PRKAR1B: variants seen among roughly 807,000 people sequenced by gnomAD.
PRKAR1B encodes the protein protein kinase cAMP-dependent type I regulatory subunit beta, also known as cAMP-dependent protein kinase type I-beta regulatory subunit.
Under a neutral mutation model 46.5 loss-of-function variants are expected in PRKAR1B, and 22 were observed. The observed-to-expected ratio is 0.47, with a 90% CI of 0.34 to 0.68. The LOEUF (loss-of-function observed/expected upper bound fraction) is 0.68. PRKAR1B is among the 30% of genes least tolerant of loss of function. PRKAR1B has a pLI of 0.01. For missense variants in PRKAR1B, 445 were observed against 535.6 expected (o/e 0.83, Z 1.67); for synonymous variants, 259 against 217.7 (o/e 1.19, Z -1.67).
At chr7:718,415 G>A (rs1780960355) in intron 1 of PRKAR1B, among the ~76,000 whole-genome samples, 1 of 149,922 alleles carries the variant, frequency 6.7e-6, no homozygotes, top group Admixed American at 6.7e-5. Context: ...GGAGTGCAGT[G>A]GCACAATCTC....
At chr7:656,166 G>A (rs1350193858) in intron 4 of PRKAR1B, among the ~76,000 whole-genome samples, 1 of 152,154 alleles carries the variant, frequency 6.6e-6, no homozygotes, top group African/African-American at 2.4e-5. Flanking sequence ...GGGTGCCTGA[G>A]TGAATGTGTG....
chr7:585,314 C>G (rs1780534177), intron 7 of PRKAR1B, among the ~76,000 whole-genome samples: 1 of 152,168 alleles, frequency 6.6e-6, no homozygotes, highest in South Asian at 2.1e-4. Context: ...TGGGTCTCAG[C>G]CCCTCTCAAC....
intron 4 of PRKAR1B, among the ~76,000 whole-genome samples, chr7:624,923 A>G (rs1562570290): frequency 1.3e-5 from 2 of 152,348 alleles, no homozygotes; most frequent in East Asian, 3.9e-4. Flanking sequence ...GAAATAATTG[A>G]CATTTACAGA....
chr7:655,114 C>T (rs1785129731), intron 4 of PRKAR1B, among the ~76,000 whole-genome samples: 1 of 152,188 alleles, frequency 6.6e-6, no homozygotes, highest in African/African-American at 2.4e-5. Context: ...CTGCCCTTGT[C>T]CCCCTACCTT....
chr7:647,883 G>A (rs968735271), intron 4 of PRKAR1B, among the ~76,000 whole-genome samples: 8 of 151,008 alleles, frequency 5.3e-5, no homozygotes, highest in Admixed American at 1.3e-4. Context: ...CATTATGGCC[G>A]GGCATGGTGG....
At chr7:562,292 C>T (rs1305816549) in intron 9 of PRKAR1B, among the ~76,000 whole-genome samples, 1 of 97,078 alleles carries the variant, frequency 1.0e-5, no homozygotes, top group Admixed American at 1.3e-4. Context: ...CCAGGCACCT[C>T]TCAGGGTGGG....
intron 2 of PRKAR1B, among the ~76,000 whole-genome samples, chr7:690,994 C>G (rs550923743): frequency 2.0e-5 from 3 of 152,284 alleles, no homozygotes; most frequent in Non-Finnish European, 2.9e-5. Flanking sequence ...AAATCCTACC[C>G]GAAGGGTCCC....
At chr7:701,553 T>G (rs1281894491) in intron 2 of PRKAR1B, among the ~76,000 whole-genome samples, 1 of 151,726 alleles carries the variant, frequency 6.6e-6, no homozygotes, top group African/African-American at 2.4e-5. Flanking sequence ...CAAGAGAAAC[T>G]CAAAGAAAAT....
intron 4 of PRKAR1B, among the ~76,000 whole-genome samples, chr7:641,184 C>A (rs1162477144): frequency 2.6e-5 from 4 of 152,116 alleles, no homozygotes; most frequent in Non-Finnish European, 5.9e-5. Flanking sequence ...CATCTCCCGA[C>A]CTCATGATCC....
At chr7:663,740 A>G (rs1583382474) in intron 4 of PRKAR1B, among the ~76,000 whole-genome samples, 3 of 152,266 alleles carry the variant, frequency 2.0e-5, no homozygotes, top group African/African-American at 7.2e-5. Context: ...ACTTGGGGAC[A>G]GTGTTACCAC....
rs116074596 is a variant in PRKAR1B, at chr7:723,967, G to A, written c.-23+3243C>T. Reference sequence around the variant, plus strand: ...CATACTGCATTCTCCCTGTATGCACGTCTATCTCCAAAATTTCTCCTTTTA... The same window carrying A: ...CATACTGCATTCTCCCTGTATGCACATCTATCTCCAAAATTTCTCCTTTTA... On this transcript the variant is annotated intron_variant, in intron 1 of 10. Transcript: ENST00000537384. Among the ~76,000 whole-genome samples, 475 of 152,270 alleles carry A rather than the reference G, an allele frequency of 3.1e-3. 3 individuals carry two copies. Among genetic ancestry groups the A allele is most frequent in the African/African-American group, 0.011 (448 of 41,536 alleles).
At chr7:728,841 G>A (rs148736043), upstream of PRKAR1B, among the ~76,000 whole-genome samples, 289 of 152,188 alleles carry the variant, frequency 1.9e-3, 1 homozygote, top group South Asian at 0.019. Context: ...TGGGTGGGGG[G>A]CCTCACCTCT....
intron 4 of PRKAR1B, among the ~76,000 whole-genome samples, chr7:633,071 T>C (rs1249933144): frequency 6.6e-6 from 1 of 152,198 alleles, no homozygotes; most frequent in African/African-American, 2.4e-5. Flanking sequence ...GTGAATTCAT[T>C]CTCTGCTCCC....
intron 2 of PRKAR1B, among the ~76,000 whole-genome samples, chr7:686,733 A>G (rs775025107): frequency 2.0e-5 from 3 of 152,150 alleles, no homozygotes; most frequent in Non-Finnish European, 4.4e-5. Context: ...CACAGCAGAG[A>G]AGAATTAATT....
chr7:619,182 G>A lies in PRKAR1B; in HGVS notation c.441-11730C>T, dbSNP rs151304686. Among the ~76,000 whole-genome samples, 35 of 152,292 alleles carry A rather than the reference G, an allele frequency of 2.3e-4. 2 individuals carry two copies. In the East Asian group the frequency reaches 4.8e-3, roughly 21 times the overall value. Reference sequence around the variant, plus strand: ...GTCCACGCAGAGCGAAGAGTCGGACGAAAGCACAGCAGGGAGGCAACACGG... The same window carrying A: ...GTCCACGCAGAGCGAAGAGTCGGACAAAAGCACAGCAGGGAGGCAACACGG... On this transcript the variant is annotated intron_variant, in intron 4 of 10. Transcript: ENST00000537384.
At chr7:615,825 C>CAAAA (rs71016887) in intron 4 of PRKAR1B, among the ~76,000 whole-genome samples, 7 of 94,360 alleles carry the variant, frequency 7.4e-5, no homozygotes, top group South Asian at 3.8e-4. Flanking sequence ...AAGACTCCAT[C>CAAAA]AAAAAAAAAA....
intron 2 of PRKAR1B, among the ~76,000 whole-genome samples, chr7:699,293 G>A (rs1366576997): frequency 6.6e-6 from 1 of 152,172 alleles, no homozygotes; most frequent in Non-Finnish European, 1.5e-5. Context: ...AGGCCTGCGT[G>A]AGAATTCGAT....
At chr7:725,651 G>A (rs1219375316) in intron 1 of PRKAR1B, among the ~76,000 whole-genome samples, 1 of 152,118 alleles carries the variant, frequency 6.6e-6, no homozygotes, top group African/African-American at 2.4e-5. Flanking sequence ...CCTCCTTCTT[G>A]CCTGGGGACC....
chr7:721,933 T>G (rs952075115), intron 1 of PRKAR1B, among the ~76,000 whole-genome samples: 4 of 152,092 alleles, frequency 2.6e-5, no homozygotes, highest in Admixed American at 1.3e-4. Context: ...GCATTATTTC[T>G]CTCTGTCAGT....
Sources: gnomAD v4.1 joint callset for allele counts (sites outside exome capture counted in the v4.1 genomes callset) on GRCh38, gnomAD v4.1.1 for gene constraint, MANE v1.5 for transcripts, NCBI Gene and HGNC (gene_info 2026-07-23, HGNC 2026-07-21) for gene names.